The following SV2C variants were observed in gnomAD, a reference collection of about 807,000 sequenced individuals.
SV2C encodes synaptic vesicle glycoprotein 2C.
Under a neutral mutation model 79.7 loss-of-function variants are expected in SV2C, and 49 were observed. The ratio of observed to expected loss-of-function variants is 0.61; its 90% CI spans 0.49 to 0.78. The LOEUF is 0.78. Ranked by LOEUF, SV2C falls within the 30% of genes least tolerant of loss-of-function variation. The pLI, the probability that SV2C is intolerant of heterozygous loss-of-function variation, is 0.00. For missense variants in SV2C, 833 were observed against 912.9 expected, an observed-to-expected ratio of 0.91 and a Z score of 1.13; for synonymous variants, 334 against 333.2, an observed-to-expected ratio of 1.00 and a Z score of -0.03.
the SV2C span, among the ~76,000 whole-genome samples, chr5:75,864,109 G>T: frequency 2.4e-4 from 36 of 152,104 alleles, no homozygotes; most frequent in African/African-American, 4.1e-4. Context: ...CAACATAAAG[G>T]TTTCATTAAA....
chr5:76,050,967 TA>T, the SV2C span, among the ~76,000 whole-genome samples: 1 of 152,322 alleles, frequency 6.6e-6, no homozygotes, highest in African/African-American at 2.4e-5. Flanking sequence ...GATTAAAAAG[TA>T]AAGTATGAAT....
chr5:75,975,851 A>G, the SV2C span, among the ~76,000 whole-genome samples: 3 of 152,206 alleles, frequency 2.0e-5, no homozygotes, highest in East Asian at 1.9e-4. Flanking sequence ...CGGTCTCTCT[A>G]TCCCTTACAG....
chr5:76,063,630 C>G, the SV2C span, among the ~76,000 whole-genome samples: 1 of 152,154 alleles, frequency 6.6e-6, no homozygotes, highest in Admixed American at 6.5e-5. Flanking sequence ...TCCCAGAGGA[C>G]TTCCCGAAGG....
intron 4 of SV2C, among the ~76,000 whole-genome samples, chr5:76,239,464 C>T (rs1293067346): frequency 6.6e-6 from 1 of 152,186 alleles, no homozygotes; most frequent in Admixed American, 6.5e-5. Flanking sequence ...GGAATTTAGA[C>T]AGTGTGCAGA....
chr5:75,882,360 A>C, the SV2C span, among the ~76,000 whole-genome samples: 1 of 147,598 alleles, frequency 6.8e-6, no homozygotes, highest in African/African-American at 2.6e-5. Context: ...CATCCCCATC[A>C]AGCTCCAATG....
chr5:76,317,071 TG>T (rs1748650224), intron 12 of SV2C, among the ~76,000 whole-genome samples: 2 of 151,970 alleles, frequency 1.3e-5, no homozygotes, highest in Non-Finnish European at 2.9e-5. Context: ...AAATTAGGAG[TG>T]TATTAAGGAC....
intron 1 of SV2C, among the ~76,000 whole-genome samples, chr5:76,087,919 T>C (rs1043684036): frequency 6.6e-6 from 1 of 152,182 alleles, no homozygotes; most frequent in Non-Finnish European, 1.5e-5. Context: ...CAGTTATATA[T>C]TTGGTAGCAA....
chr5:76,149,087 TTGA>T (rs1180242097), intron 2 of SV2C, among the ~76,000 whole-genome samples: 2 of 152,288 alleles, frequency 1.3e-5, no homozygotes, highest in South Asian at 4.1e-4. Flanking sequence ...ACCACTAGTG[TTGA>T]TGACCACAGG....
intron 2 of SV2C, among the ~76,000 whole-genome samples, chr5:76,146,466 G>T (rs962087747): frequency 6.6e-6 from 1 of 152,146 alleles, no homozygotes; most frequent in Admixed American, 6.5e-5. Flanking sequence ...CATGGCCTTT[G>T]TAAACTGTCA....
chr5:75,931,463 T>C, the SV2C span, among the ~76,000 whole-genome samples: 1 of 152,252 alleles, frequency 6.6e-6, no homozygotes, highest in African/African-American at 2.4e-5. Flanking sequence ...GCTTTGTAAC[T>C]GCGTGTAACT....
chr5:75,893,974 C>A, the SV2C span, among the ~76,000 whole-genome samples: 3 of 152,010 alleles, frequency 2.0e-5, no homozygotes, highest in African/African-American at 7.2e-5. Flanking sequence ...ATGAAGCCAG[C>A]AAGGTAGGTG....
chr5:76,089,550 G>A (rs1407140980), intron 1 of SV2C, among the ~76,000 whole-genome samples: 2 of 152,198 alleles, frequency 1.3e-5, no homozygotes, highest in Admixed American at 6.5e-5. Context: ...ACCCAGTAAT[G>A]GGATTGCTAG....
intron 2 of SV2C, among the ~76,000 whole-genome samples, chr5:76,194,240 C>T (rs1482076143): frequency 6.6e-6 from 1 of 152,154 alleles, no homozygotes; most frequent in Non-Finnish European, 1.5e-5. Flanking sequence ...ACAGGCCGCT[C>T]CTGATCTATA....
chr5:76,310,041 A>T (rs993297759), intron 12 of SV2C, among the ~76,000 whole-genome samples: 1 of 148,790 alleles, frequency 6.7e-6, no homozygotes, highest in African/African-American at 2.5e-5. Context: ...GTCATTCACT[A>T]TTTCATTCAA....
the SV2C span, among the ~76,000 whole-genome samples, chr5:75,881,864 C>T: frequency 6.8e-6 from 1 of 147,100 alleles, no homozygotes. Context: ...GAGGGCATCC[C>T]TGTCTTGTGC....
intron 3 of SV2C, among the ~76,000 whole-genome samples, chr5:76,197,017 G>T (rs1439626974): frequency 6.6e-6 from 1 of 152,174 alleles, no homozygotes; most frequent in Non-Finnish European, 1.5e-5. Flanking sequence ...CAGCCAACAG[G>T]TCAGGACTCC....
At chr5:75,891,167 G>A in the SV2C span, among the ~76,000 whole-genome samples, 2 of 152,084 alleles carry the variant, frequency 1.3e-5, no homozygotes, top group Non-Finnish European at 2.9e-5. Flanking sequence ...GTCAGTATTG[G>A]TTGGGATGGA....
At chr5:75,936,780 T>G in the SV2C span, among the ~76,000 whole-genome samples, 2 of 152,242 alleles carry the variant, frequency 1.3e-5, no homozygotes, top group African/African-American at 2.4e-5. Flanking sequence ...TGATTCTCAT[T>G]GGAACATAGT....
At chr5:75,956,050 A>G in the SV2C span, among the ~76,000 whole-genome samples, 1 of 143,264 alleles carries the variant, frequency 7.0e-6, no homozygotes, top group African/African-American at 2.6e-5. Flanking sequence ...TACTGGGTAT[A>G]TACCCAAAGG....
Sources: allele counts gnomAD v4.1 joint callset (sites outside exome capture counted in the v4.1 genomes callset), GRCh38; gene constraint gnomAD v4.1.1; transcripts MANE v1.5; gene names NCBI Gene and HGNC (gene_info 2026-07-23, HGNC 2026-07-21).